NRTN: variants seen among roughly 807,000 people sequenced by gnomAD.
NRTN encodes the protein prepro-neurturin.
Under a neutral mutation model 7.5 loss-of-function variants are expected in NRTN, and 3 were observed. That is an observed-to-expected ratio of 0.40 (90% CI 0.18 to 1.03). The LOEUF (loss-of-function observed/expected upper bound fraction) is 1.03, where lower values mean the gene tolerates loss of function less well. Ranked by LOEUF, NRTN falls within the 50% of genes least tolerant of loss-of-function variation. The pLI, the probability that NRTN is intolerant of heterozygous loss-of-function variation, is 0.34. For synonymous variants in NRTN, 157 were observed against 146.6 expected, an observed-to-expected ratio of 1.07 and a Z score of -0.51; for missense variants, 310 against 307.0, an observed-to-expected ratio of 1.01 and a Z score of -0.07.
rs553855887 is a variant in NRTN at position 5,822,881 on chromosome 19, A to G, written c.-398-887A>G. On this transcript the variant is annotated intron_variant, in intron 1 of 2. Transcript: ENST00000303212. ...AAAAAAAATTAAAAATTAGCCAGGC[A>G]CGGTGGCTCATGCCTGTAGTCAGTC... is the stretch of plus-strand genomic sequence containing the variant. Among the ~76,000 whole-genome samples the G allele has an allele frequency of 1.2e-4, 19 of 152,152 alleles. No individual in the cohort carries two copies. The East Asian group carries it at 3.7e-3, about 29-fold the overall frequency.
intron 2 of NRTN, 21 bp from the exon 3 acceptor site, chr19:5,827,728 T>G: frequency 1.2e-6 from 1 of 852,782 alleles, no homozygotes; most frequent in Non-Finnish European, 1.5e-6. Flanking sequence ...CCCCCCCTCC[T>G]TTCTCTTCCT....
At chr19:5,809,481 G>C (rs1373818052) in intron 1 of NRTN, among the ~76,000 whole-genome samples, 2 of 147,274 alleles carry the variant, frequency 1.4e-5, no homozygotes, top group East Asian at 4.4e-4. Context: ...GCCCCATCCT[G>C]GTTTTTTTTT....
intron 1 of NRTN, among the ~76,000 whole-genome samples, chr19:5,821,294 C>CTTTT (rs33932385): frequency 6.1e-5 from 3 of 49,130 alleles, no homozygotes; most frequent in South Asian, 9.9e-4. Context: ...CAGTGCCTAG[C>CTTTT]TTTTTTTTTT....
At chr19:5,808,561 C>T (rs991333698) in intron 1 of NRTN, among the ~76,000 whole-genome samples, 5 of 152,168 alleles carry the variant, frequency 3.3e-5, no homozygotes, top group Non-Finnish European at 7.3e-5. Flanking sequence ...CTCCAGGTGC[C>T]GGTGGGGGAC....
chr19:5,805,150 CCGAGGCCGCCT>C lies in NRTN; in HGVS notation c.-699_-689del, dbSNP rs2056971125. 6.8e-6 allele frequency among the ~76,000 whole-genome samples: 1 copy of C among 146,654 alleles called. No homozygotes were observed. The highest frequency in any genetic ancestry group is 1.5e-5 in the Non-Finnish European group (1 of 65,916). ...CCGCCCCGGAGCCCCGTGCTGCGCG[CCGAGGCCGCCT>C]GCGCCGTCCGTGCGCCCCCGCGCCC... On this transcript the variant is annotated 5_prime_UTR_variant, in exon 1 of 3. Transcript: ENST00000303212.
intron 1 of NRTN, among the ~76,000 whole-genome samples, chr19:5,818,527 G>A (rs958445720): frequency 6.6e-6 from 1 of 152,014 alleles, no homozygotes; most frequent in Non-Finnish European, 1.5e-5. Flanking sequence ...GCAGCTGTGG[G>A]TGCTGGCAGC....
At chr19:5,805,787 C>T (rs1181927818) in intron 1 of NRTN, among the ~76,000 whole-genome samples, 1 of 152,070 alleles carries the variant, frequency 6.6e-6, no homozygotes, top group Admixed American at 6.5e-5. Context: ...TCCCCTTAGC[C>T]TCTAGGAGGG....
At chr19:5,813,713 A>T (rs2056997235) in intron 1 of NRTN, among the ~76,000 whole-genome samples, 1 of 150,142 alleles carries the variant, frequency 6.7e-6, no homozygotes, top group African/African-American at 2.5e-5. Flanking sequence ...GGTGGCGCAC[A>T]CCTGTAGTCC....
rs114500600 is a variant in NRTN, at chr19:5,809,545, C to T, written c.-399+4094C>T. 9.9e-3 allele frequency among the ~76,000 whole-genome samples: 1,499 copies of T among 152,046 alleles called. 18 individuals carry two copies. Among genetic ancestry groups the T allele is most frequent in the African/African-American group, 0.035 (1,443 of 41,444 alleles). ...AATTACCTTATTTCACATTTATTAT[C>T]TGTCTCCCCGACTGGATGGTGAGTT... On this transcript the variant is annotated intron_variant, in intron 1 of 2. Transcript: ENST00000303212.
At position 5,824,026 on chromosome 19, in the gene NRTN, C is replaced by T; in HGVS notation, c.-140C>T. The T allele has an allele frequency of 8.9e-7, 1 of 1,119,786 alleles. No homozygotes were observed. The highest frequency in any genetic ancestry group is 2.5e-5 in the East Asian group (1 of 40,178). The allele number at this position is 1,119,786 out of a possible 1,614,324, so 69.4% of individuals were successfully genotyped here. ...TTCAATGGTTCCTTGAGGGACCATT[C>T]CCATGTGATTATCGACCATTCGGCA... On this transcript the variant is annotated 5_prime_UTR_variant, in exon 2 of 3. Transcript: ENST00000303212.
chr19:5,811,154 G>T (rs535900661), intron 1 of NRTN, among the ~76,000 whole-genome samples: 1 of 152,192 alleles, frequency 6.6e-6, no homozygotes, highest in African/African-American at 2.4e-5. Flanking sequence ...CAGGAGAACC[G>T]CTTGAACCCC....
Position 5,828,322 on chromosome 19 carries a change from C to G in NRTN, c.*149C>G, listed in dbSNP as rs1377444450. 2 of 899,460 alleles carry G rather than the reference C, an allele frequency of 2.2e-6. No homozygotes were observed. Among genetic ancestry groups the G allele is most frequent in the Admixed American group, 7.5e-5 (2 of 26,602 alleles). The allele number at this position is 899,460 out of a possible 1,614,324, so 55.7% of individuals were successfully genotyped here. ...TGTACTGAGATAAAGTGTGGCAACT[C>G]GAGCTGGCTGGTGATTCATCCTCGG... On this transcript the variant is annotated 3_prime_UTR_variant, in exon 3 of 3. Transcript: ENST00000303212.
At position 5,811,061 on chromosome 19, in the gene NRTN, A is replaced by C. The variant is rs531407103; in HGVS notation, c.-399+5610A>C. On this transcript the variant is annotated intron_variant, in intron 1 of 2. Transcript: ENST00000303212. The stretch of plus-strand genomic sequence containing the variant: ...AGACCAGCCTGGCCAACATGGTGAA[A>C]CCCCGTCTCTACTAAAAATACAAAA... Among the ~76,000 whole-genome samples, 3 of 151,962 alleles carry C rather than the reference A, an allele frequency of 2.0e-5. No individual in the cohort carries two copies. The East Asian group carries it at 5.8e-4, about 29-fold the overall frequency.
intron 1 of NRTN, among the ~76,000 whole-genome samples, chr19:5,816,821 A>G (rs988895491): frequency 2.6e-5 from 4 of 152,162 alleles, no homozygotes; most frequent in African/African-American, 9.7e-5. Flanking sequence ...CCAGCCAGTG[A>G]GTGTTTTGAA....
chr19:5,821,602 G>T (rs976795932), intron 1 of NRTN, among the ~76,000 whole-genome samples: 1 of 139,004 alleles, frequency 7.2e-6, no homozygotes, highest in African/African-American at 2.7e-5. Flanking sequence ...CACTGCACCC[G>T]TCAGCCTAGC....
intron 1 of NRTN, among the ~76,000 whole-genome samples, chr19:5,814,272 G>C (rs1399454889): frequency 2.0e-5 from 3 of 152,204 alleles, no homozygotes; most frequent in Admixed American, 6.5e-5. Flanking sequence ...GGCTGGGCAA[G>C]AGGAAGGCAC....
chr19:5,808,158 G>A (rs2056979556), intron 1 of NRTN, among the ~76,000 whole-genome samples: 1 of 152,212 alleles, frequency 6.6e-6, no homozygotes, highest in Non-Finnish European at 1.5e-5. Flanking sequence ...CTCACCCAGT[G>A]TTAGGGTTTA....
intron 1 of NRTN, among the ~76,000 whole-genome samples, chr19:5,821,881 C>T (rs773637125): frequency 6.6e-5 from 10 of 152,182 alleles, no homozygotes; most frequent in Non-Finnish European, 1.3e-4. Flanking sequence ...ACAGCATCTG[C>T]TCCCAAGCCC....
intron 1 of NRTN, among the ~76,000 whole-genome samples, chr19:5,813,821 CAG>C (rs529253695): frequency 2.6e-5 from 4 of 152,038 alleles, no homozygotes; most frequent in East Asian, 3.9e-4. Context: ...ACCTGTGTGA[CAG>C]AGTGAGACTC....
Sources: allele counts gnomAD v4.1 joint callset (sites outside exome capture counted in the v4.1 genomes callset), GRCh38; gene constraint gnomAD v4.1.1; transcripts MANE v1.5; gene names NCBI Gene and HGNC (gene_info 2026-07-23, HGNC 2026-07-21).